The following SLC24A2 variants were observed in gnomAD, a reference collection of about 807,000 sequenced individuals.
SLC24A2 encodes sodium/potassium/calcium exchanger 2.
A neutral mutation model predicts 62.0 loss-of-function variants in SLC24A2; 36 were observed. That is an observed-to-expected ratio of 0.58 (90% CI 0.44 to 0.77). The LOEUF (loss-of-function observed/expected upper bound fraction) is 0.77, where lower values mean the gene tolerates loss of function less well. Among genes scored for constraint, SLC24A2 ranks in the 30% least tolerant of loss-of-function variants. The pLI, the probability that SLC24A2 is intolerant of heterozygous loss-of-function variation, is 0.00. For synonymous variants in SLC24A2, 358 were observed against 294.0 expected, an observed-to-expected ratio of 1.22 and a Z score of -2.23; for missense variants, 846 against 817.9, an observed-to-expected ratio of 1.03 and a Z score of -0.42.
chr9:19,966,095 T>C, the SLC24A2 span, among the ~76,000 whole-genome samples: 1 of 152,226 alleles, frequency 6.6e-6, no homozygotes. Context: ...ATCCCTTTTA[T>C]ACTCTGTAAT....
intron 5 of SLC24A2, among the ~76,000 whole-genome samples, 177 bp downstream of exon 5, chr9:19,597,052 G>A (rs867287434): frequency 1.4e-4 from 22 of 152,158 alleles, no homozygotes; most frequent in African/African-American, 2.4e-4. Context: ...GGTATTGCAC[G>A]TCTCCAATTC....
chr9:19,966,337 T>C, the SLC24A2 span, among the ~76,000 whole-genome samples: 1 of 152,202 alleles, frequency 6.6e-6, no homozygotes, highest in Non-Finnish European at 1.5e-5. Flanking sequence ...ATAATAGTAT[T>C]TGTGTGCATA....
At chr9:19,522,816 T>G (rs1294833044) in intron 9 of SLC24A2, among the ~76,000 whole-genome samples, 2 of 152,222 alleles carry the variant, frequency 1.3e-5, no homozygotes, top group Admixed American at 6.5e-5. Flanking sequence ...CTGCTGATTC[T>G]CCTAGAAAAA....
chr9:19,648,248 G>A (rs1269859829), intron 2 of SLC24A2, among the ~76,000 whole-genome samples: 1 of 152,086 alleles, frequency 6.6e-6, no homozygotes, highest in Non-Finnish European at 1.5e-5. Flanking sequence ...TTAATCAGTG[G>A]TACTGCCACA....
the SLC24A2 span, among the ~76,000 whole-genome samples, chr9:20,089,263 A>AGGTCCC: frequency 1.2e-4 from 18 of 152,148 alleles, no homozygotes; most frequent in East Asian, 2.3e-3. Context: ...TTCTCCATAC[A>AGGTCCC]GGTCCCGGTC....
intron 2 of SLC24A2, among the ~76,000 whole-genome samples, chr9:19,719,579 A>G (rs1234908005): frequency 6.6e-6 from 1 of 152,202 alleles, no homozygotes; most frequent in African/African-American, 2.4e-5. Context: ...AAGGGCCCAG[A>G]AAGTTGAGAT....
the SLC24A2 span, among the ~76,000 whole-genome samples, chr9:19,887,661 A>G: frequency 3.3e-5 from 5 of 152,188 alleles, no homozygotes; most frequent in Admixed American, 6.5e-5. Flanking sequence ...CAAAGAACTA[A>G]AAGTGGAACT....
intron 5 of SLC24A2, among the ~76,000 whole-genome samples, chr9:19,587,364 A>G (rs947617884): frequency 6.6e-6 from 1 of 152,196 alleles, no homozygotes; most frequent in Non-Finnish European, 1.5e-5. Flanking sequence ...GTGAACTTAT[A>G]GCATGTATTG....
chr9:19,928,984 T>G, the SLC24A2 span: 3 of 152,380 alleles, frequency 2.0e-5, no homozygotes, highest in Admixed American at 2.0e-4. Flanking sequence ...CTTCCCTAGC[T>G]GACTGAGGTG....
At chr9:20,104,143 T>G in the SLC24A2 span, among the ~76,000 whole-genome samples, 1 of 151,946 alleles carries the variant, frequency 6.6e-6, no homozygotes, top group Non-Finnish European at 1.5e-5. Flanking sequence ...AAGGGAAGTT[T>G]AGAGAAAAAA....
chr9:20,259,524 A>G, the SLC24A2 span, among the ~76,000 whole-genome samples: 26 of 152,296 alleles, frequency 1.7e-4, no homozygotes, highest in African/African-American at 6.3e-4. Context: ...CAGTGGTTGA[A>G]GAAAACCCCT....
At chr9:19,738,608 C>G (rs887619980) in intron 2 of SLC24A2, among the ~76,000 whole-genome samples, 1 of 151,954 alleles carries the variant, frequency 6.6e-6, no homozygotes, top group South Asian at 2.1e-4. Context: ...TTATTATTTT[C>G]AAATAAACTA....
chr9:20,131,300 G>A, the SLC24A2 span, among the ~76,000 whole-genome samples: 84 of 152,210 alleles, frequency 5.5e-4, no homozygotes, highest in South Asian at 0.012. Context: ...TTCCAGGCCC[G>A]TCTGTGTTTC....
chr9:19,784,735 T>G (rs1222142998), intron 2 of SLC24A2, among the ~76,000 whole-genome samples: 2 of 152,172 alleles, frequency 1.3e-5, no homozygotes, highest in African/African-American at 4.8e-5. Context: ...TGCTAAATGA[T>G]TTTTTGGTTT....
chr9:19,882,502 G>GC, the SLC24A2 span, among the ~76,000 whole-genome samples: 1 of 150,934 alleles, frequency 6.6e-6, no homozygotes, highest in Admixed American at 6.6e-5. Context: ...TTCCCTCCAC[G>GC]CCCCCCACCC....
At chr9:19,544,168 C>G (rs896648928) in intron 8 of SLC24A2, among the ~76,000 whole-genome samples, 16 of 151,962 alleles carry the variant, frequency 1.1e-4, no homozygotes, top group African/African-American at 3.6e-4. Flanking sequence ...GCATTGATCC[C>G]TTTACCATTA....
the SLC24A2 span, among the ~76,000 whole-genome samples, chr9:20,053,421 T>C: frequency 6.6e-6 from 1 of 152,206 alleles, no homozygotes; most frequent in Non-Finnish European, 1.5e-5. Context: ...TGCCTTTCTT[T>C]TCACTCTCTT....
chr9:20,103,548 C>G, the SLC24A2 span, among the ~76,000 whole-genome samples: 2 of 152,134 alleles, frequency 1.3e-5, no homozygotes, highest in Non-Finnish European at 2.9e-5. Flanking sequence ...TATGAAAATC[C>G]ACTGTTCTGC....
chr9:20,012,670 A>G, the SLC24A2 span, among the ~76,000 whole-genome samples: 1 of 152,236 alleles, frequency 6.6e-6, no homozygotes, highest in African/African-American at 2.4e-5. Flanking sequence ...TTGGAAACAA[A>G]TTCAGTAAAC....
Sources: gnomAD v4.1 joint callset for allele counts (sites outside exome capture counted in the v4.1 genomes callset) on GRCh38, gnomAD v4.1.1 for gene constraint, MANE v1.5 for transcripts, NCBI Gene and HGNC (gene_info 2026-07-23, HGNC 2026-07-21) for gene names.